The following GPR158 variants were observed in gnomAD, a reference collection of about 807,000 sequenced individuals.
GPR158 encodes the protein G protein-coupled receptor 158.
GPR158 carries 30 observed loss-of-function variants against 78.2 expected under a neutral mutation model. The ratio of observed to expected loss-of-function variants is 0.38; its 90% CI spans 0.29 to 0.52. The LOEUF (loss-of-function observed/expected upper bound fraction) is 0.52. GPR158 is among the 20% of genes least tolerant of loss of function. The pLI is 0.83. For synonymous variants in GPR158, 581 were observed against 591.1 expected (o/e 0.98, Z 0.25); for missense variants, 1,463 against 1,523.5 (o/e 0.96, Z 0.66).
At chr10:25,422,628 CAAA>C (rs10634150) in intron 4 of GPR158, among the ~76,000 whole-genome samples, 1 of 143,210 alleles carries the variant, frequency 7.0e-6, no homozygotes, top group Non-Finnish European at 1.5e-5. Context: ...ATTGTATTTG[CAAA>C]AAAAAAAAAA....
At chr10:25,573,930 T>A (rs1435753965) in intron 7 of GPR158, among the ~76,000 whole-genome samples, 2 of 151,978 alleles carry the variant, frequency 1.3e-5, no homozygotes, top group Non-Finnish European at 2.9e-5. Context: ...TTATTATATT[T>A]TGGGTAATAT....
At chr10:25,340,980 A>C (rs1855295134) in intron 2 of GPR158, among the ~76,000 whole-genome samples, 1 of 152,028 alleles carries the variant, frequency 6.6e-6, no homozygotes, top group Non-Finnish European at 1.5e-5. Context: ...AGACAAAGAA[A>C]TGTTTTAGGA....
chr10:25,230,072 A>G (rs1853428656), intron 2 of GPR158, among the ~76,000 whole-genome samples: 1 of 152,222 alleles, frequency 6.6e-6, no homozygotes, highest in Non-Finnish European at 1.5e-5. Context: ...ATAATGATAT[A>G]GAAGACACAT....
chr10:25,598,570 A>G lies in GPR158; in HGVS notation c.2944A>G (p.Asn982Asp). 6.8e-6 allele frequency: 11 copies of G among 1,614,006 alleles called. No individual in the cohort carries two copies. The highest frequency in any genetic ancestry group is 9.3e-6 in the Non-Finnish European group (11 of 1,179,998). Residue 982 changes from asparagine (N) to aspartate (D), a missense_variant, in exon 11 of 11, where the codon AAC becomes GAC. Asn to Asp is a conservative substitution (Grantham distance 23). Transcript: ENST00000376351. The part of the protein sequence containing the change: ...KSGIMKQQRV[N>D]PTTANSDLNP... ...TGGGATTATGAAACAACAAAGGGTC[A>G]ACCCCACCACTGCCAATTCTGACCT...
chr10:25,240,354 CAA>C (rs1230866285), intron 2 of GPR158, among the ~76,000 whole-genome samples: 1 of 152,112 alleles, frequency 6.6e-6, no homozygotes, highest in East Asian at 1.9e-4. Context: ...ACTGAAAATA[CAA>C]AAATTAGCTA....
chr10:25,396,709 C>G (rs1834367039), intron 3 of GPR158, among the ~76,000 whole-genome samples: 1 of 152,138 alleles, frequency 6.6e-6, no homozygotes, highest in Non-Finnish European at 1.5e-5. Context: ...CATTATCTGA[C>G]CTCTATAAAC....
At chr10:25,423,087 A>ATG (rs1210361756) in intron 4 of GPR158, among the ~76,000 whole-genome samples, 1 of 138,308 alleles carries the variant, frequency 7.2e-6, no homozygotes, top group Non-Finnish European at 1.6e-5. Context: ...ATATATATGT[A>ATG]TGTGTGTGTG....
intron 2 of GPR158, among the ~76,000 whole-genome samples, chr10:25,281,176 A>G (rs959242728): frequency 2.0e-5 from 3 of 151,788 alleles, no homozygotes; most frequent in Non-Finnish European, 4.4e-5. Flanking sequence ...AATACAAAAA[A>G]GAATCTCTTC....
intron 2 of GPR158, among the ~76,000 whole-genome samples, chr10:25,332,818 CT>C (rs1363707864): frequency 6.6e-6 from 1 of 152,158 alleles, no homozygotes; most frequent in Non-Finnish European, 1.5e-5. Flanking sequence ...GAAATAACTG[CT>C]GTTTACCACT....
chr10:25,338,521 G>GTATA (rs1855255055), intron 2 of GPR158, among the ~76,000 whole-genome samples: 2 of 85,608 alleles, frequency 2.3e-5, no homozygotes, highest in South Asian at 7.2e-4. Context: ...TATAATATAC[G>GTATA]TATATTACGT....
Position 25,481,307 on chromosome 10 carries a change from C to T in GPR158, c.1404+14588C>T, listed in dbSNP as rs374572209. Among the ~76,000 whole-genome samples, 9 of 152,186 alleles carry T rather than the reference C, an allele frequency of 5.9e-5. No homozygotes were observed. The South Asian group carries it at 6.2e-4, about 11-fold the overall frequency. On this transcript the variant is annotated intron_variant, in intron 5 of 10. Coordinates refer to ENST00000376351, the MANE Select transcript of GPR158 (RefSeq NM_020752.3). ...GCAGTGTCATGGTGTGGCCGCTGCACGCCAAGCTGCAGTTTCTGCATTTAT... is the reference window on the plus strand; with the variant it reads ...GCAGTGTCATGGTGTGGCCGCTGCATGCCAAGCTGCAGTTTCTGCATTTAT...
chr10:25,479,855 A>T (rs774152489), intron 5 of GPR158, among the ~76,000 whole-genome samples: 1 of 152,038 alleles, frequency 6.6e-6, no homozygotes, highest in East Asian at 1.9e-4. Flanking sequence ...TTCGTGATAC[A>T]TAAGTTATGG....
intron 1 of GPR158, among the ~76,000 whole-genome samples, chr10:25,189,494 G>C (rs557358330): frequency 1.7e-4 from 26 of 152,276 alleles, no homozygotes; most frequent in Non-Finnish European, 3.2e-4. Context: ...TAGGGACATG[G>C]ATAAAGCTGG....
At chr10:25,219,155 G>A (rs1853262603) in intron 1 of GPR158, among the ~76,000 whole-genome samples, 1 of 152,186 alleles carries the variant, frequency 6.6e-6, no homozygotes, top group Non-Finnish European at 1.5e-5. Flanking sequence ...GTAAGTCAAC[G>A]AATGGTTATT....
At chr10:25,432,099 A>G (rs1046733548) in intron 4 of GPR158, among the ~76,000 whole-genome samples, 23 of 152,208 alleles carry the variant, frequency 1.5e-4, no homozygotes, top group African/African-American at 4.8e-4. Context: ...GTATATCTTT[A>G]TATAGTAGCA....
At chr10:25,322,298 G>A (rs766542579) in intron 2 of GPR158, among the ~76,000 whole-genome samples, 10 of 151,798 alleles carry the variant, frequency 6.6e-5, no homozygotes, top group East Asian at 2.0e-4. Flanking sequence ...GGAGAATGGC[G>A]TGAACCCGGG....
At chr10:25,424,565 G>C (rs986586329) in intron 4 of GPR158, among the ~76,000 whole-genome samples, 2 of 151,352 alleles carry the variant, frequency 1.3e-5, no homozygotes, top group African/African-American at 4.9e-5. Flanking sequence ...TTTGTATAAG[G>C]TGTAAGGAAG....
chr10:25,184,730 GTC>G (rs1342129746), intron 1 of GPR158, among the ~76,000 whole-genome samples: 1 of 152,174 alleles, frequency 6.6e-6, no homozygotes, highest in Non-Finnish European at 1.5e-5. Context: ...GAATAGATAT[GTC>G]TCTCCTTTCT....
At chr10:25,212,254 C>T (rs1564392700) in intron 1 of GPR158, among the ~76,000 whole-genome samples, 1 of 152,126 alleles carries the variant, frequency 6.6e-6, no homozygotes, top group Non-Finnish European at 1.5e-5. Flanking sequence ...GCATCTGCTT[C>T]TGGGGAAGCT....
Sources: allele counts gnomAD v4.1 joint callset (sites outside exome capture counted in the v4.1 genomes callset), GRCh38; gene constraint gnomAD v4.1.1; transcripts MANE v1.5; gene names NCBI Gene and HGNC (gene_info 2026-07-23, HGNC 2026-07-21).